BANK1: variants seen among roughly 807,000 people sequenced by gnomAD.
The protein encoded by BANK1 is B-cell scaffold protein with ankyrin repeats.
Under a neutral mutation model 94.5 loss-of-function variants are expected in BANK1, and 95 were observed. The ratio of observed to expected loss-of-function variants is 1.00; its 90% confidence interval spans 0.85 to 1.19. The LOEUF (loss-of-function observed/expected upper bound fraction) is 1.19, where lower values mean the gene tolerates loss of function less well. Ranked by LOEUF, BANK1 falls within the 50% of genes most tolerant of loss-of-function variation. The pLI is 0.00. For missense variants in BANK1, 987 were observed against 932.2 expected (o/e 1.06, Z -0.77); for synonymous variants, 334 against 308.4 (o/e 1.08, Z -0.87).
chr4:101,792,291 C>T (rs1049445066), intron 1 of BANK1, among the ~76,000 whole-genome samples: 5 of 132,088 alleles, frequency 3.8e-5, no homozygotes, highest in African/African-American at 5.5e-5. Flanking sequence ...TCCTTGGGTC[C>T]TTCTCCATGC....
intron 1 of BANK1, among the ~76,000 whole-genome samples, chr4:101,819,169 T>G (rs1470697317): frequency 6.6e-6 from 1 of 152,132 alleles, no homozygotes; most frequent in Non-Finnish European, 1.5e-5. Flanking sequence ...TTTTCAGTCT[T>G]TGGGAATTTT....
chr4:101,949,644 A>G (rs967903025), intron 7 of BANK1, among the ~76,000 whole-genome samples: 1 of 152,206 alleles, frequency 6.6e-6, no homozygotes, highest in African/African-American at 2.4e-5. Flanking sequence ...TTTGAACAAC[A>G]GAGAACAGAA....
chr4:101,983,139 A>C (rs2148928283), intron 7 of BANK1, among the ~76,000 whole-genome samples: 1 of 152,186 alleles, frequency 6.6e-6, no homozygotes, highest in South Asian at 2.1e-4. Flanking sequence ...AAGTAATGGA[A>C]ATATTTATCT....
At chr4:101,943,501 A>G (rs910434994) in intron 7 of BANK1, among the ~76,000 whole-genome samples, 1 of 151,796 alleles carries the variant, frequency 6.6e-6, no homozygotes, top group East Asian at 1.9e-4. Context: ...GATGGAAGGG[A>G]CAGAAGGCTT....
chr4:101,993,787 A>G (rs746439541), intron 7 of BANK1, among the ~76,000 whole-genome samples: 17 of 152,212 alleles, frequency 1.1e-4, no homozygotes, highest in Non-Finnish European at 1.0e-4. Flanking sequence ...ACAGTAGATG[A>G]TGTAAAGCTT....
chr4:101,994,723 G>A (rs187667811), intron 7 of BANK1, among the ~76,000 whole-genome samples: 10 of 151,984 alleles, frequency 6.6e-5, no homozygotes, highest in Non-Finnish European at 1.0e-4. Flanking sequence ...GATTCCTATC[G>A]TATCTTTCTC....
chr4:101,991,779 A>G (rs1049505918), intron 7 of BANK1, among the ~76,000 whole-genome samples: 3 of 152,202 alleles, frequency 2.0e-5, no homozygotes, highest in Non-Finnish European at 4.4e-5. Flanking sequence ...AACAGAAACT[A>G]TGGATTTGTC....
At chr4:101,996,236 G>T (rs113498714) in intron 7 of BANK1, among the ~76,000 whole-genome samples, 1 of 152,146 alleles carries the variant, frequency 6.6e-6, no homozygotes, top group Non-Finnish European at 1.5e-5. Flanking sequence ...TCAGATGGTT[G>T]TAGATGTGTA....
intron 1 of BANK1, among the ~76,000 whole-genome samples, chr4:101,795,216 C>T (rs775905929): frequency 1.6e-4 from 24 of 151,992 alleles, no homozygotes; most frequent in Non-Finnish European, 2.8e-4. Flanking sequence ...TAATAGCTTC[C>T]GTTTATTGTG....
chr4:101,859,865 T>A (rs1727804519), intron 3 of BANK1, among the ~76,000 whole-genome samples: 1 of 152,178 alleles, frequency 6.6e-6, no homozygotes, highest in Non-Finnish European at 1.5e-5. Flanking sequence ...AACATCTAGC[T>A]AGAAAGGCAA....
intron 5 of BANK1, among the ~76,000 whole-genome samples, chr4:101,882,626 T>C (rs1290286431): frequency 1.3e-5 from 2 of 152,212 alleles, no homozygotes; most frequent in Non-Finnish European, 2.9e-5. Flanking sequence ...TTAGATTCTT[T>C]TACTAAATCA....
At chr4:101,936,343 A>G (rs113256700) in intron 7 of BANK1, among the ~76,000 whole-genome samples, 1 of 150,458 alleles carries the variant, frequency 6.6e-6, no homozygotes, top group South Asian at 2.1e-4. Flanking sequence ...ATATATGTAC[A>G]TATACATGTA....
At chr4:101,890,538 C>G (rs1354432273) in intron 5 of BANK1, among the ~76,000 whole-genome samples, 1 of 149,034 alleles carries the variant, frequency 6.7e-6, no homozygotes, top group Admixed American at 6.7e-5. Context: ...CTTAAACCTG[C>G]TAATTTTACT....
intron 2 of BANK1, among the ~76,000 whole-genome samples, chr4:101,841,757 C>T (rs922537935): frequency 7.5e-5 from 11 of 146,796 alleles, no homozygotes; most frequent in Admixed American, 2.0e-4. Flanking sequence ...GTATATCTCC[C>T]AATGCTATCC....
At chr4:101,871,791 T>C (rs1728297975) in intron 5 of BANK1, among the ~76,000 whole-genome samples, 1 of 152,180 alleles carries the variant, frequency 6.6e-6, no homozygotes, top group Admixed American at 6.6e-5. Flanking sequence ...TATATTGCAT[T>C]GTGACTATCC....
chr4:102,043,942 C>G (rs765972671), intron 11 of BANK1, 35 bp downstream of exon 11: 10 of 1,299,342 alleles, frequency 7.7e-6, no homozygotes, highest in Non-Finnish European at 1.1e-5. Context: ...TTAGTAATCT[C>G]TAGGTAAAAT....
chr4:102,032,876 C>G (rs1347076231), intron 10 of BANK1, among the ~76,000 whole-genome samples: 1 of 148,448 alleles, frequency 6.7e-6, no homozygotes, highest in East Asian at 2.0e-4. Flanking sequence ...CAGAGTGAGA[C>G]TCCATCAAAA....
intron 2 of BANK1, among the ~76,000 whole-genome samples, chr4:101,834,310 G>A (rs1412357047): frequency 1.3e-5 from 2 of 152,052 alleles, no homozygotes; most frequent in Non-Finnish European, 2.9e-5. Flanking sequence ...ATTGATTTTG[G>A]ACTCTGATTT....
At chr4:101,796,905 T>C (rs1048847871) in intron 1 of BANK1, among the ~76,000 whole-genome samples, 4 of 151,918 alleles carry the variant, frequency 2.6e-5, no homozygotes, top group Admixed American at 6.6e-5. Context: ...AGTAAAAGAG[T>C]AAGATGAGAT....
Sources: allele counts gnomAD v4.1 joint callset (sites outside exome capture counted in the v4.1 genomes callset), GRCh38; gene constraint gnomAD v4.1.1; transcripts MANE v1.5; gene names NCBI Gene and HGNC (gene_info 2026-07-23, HGNC 2026-07-21).